TPTE2: variants seen among roughly 807,000 people sequenced by gnomAD.
The protein encoded by TPTE2 is phosphatidylinositol 3,4,5-trisphosphate 3-phosphatase TPTE2.
Under a neutral mutation model 78.6 loss-of-function variants are expected in TPTE2, and 53 were observed. The observed-to-expected ratio is 0.67, with a 90% confidence interval of 0.54 to 0.85. TPTE2 has a LOEUF of 0.85. Ranked by LOEUF, TPTE2 falls within the 40% of genes least tolerant of loss-of-function variation. The pLI is 0.00. For synonymous variants in TPTE2, 175 were observed against 206.2 expected (o/e 0.85, Z 1.30); for missense variants, 461 against 623.0 (o/e 0.74, Z 2.77).
chr13:19,502,462 G>A (rs1396177751), intron 1 of TPTE2, among the ~76,000 whole-genome samples: 1 of 151,064 alleles, frequency 6.6e-6, no homozygotes, highest in Non-Finnish European at 1.5e-5. Flanking sequence ...GGAATACTAT[G>A]CAGCCATAAA....
At chr13:19,531,883 C>T (rs371847595) in intron 1 of TPTE2, among the ~76,000 whole-genome samples, 49 of 152,036 alleles carry the variant, frequency 3.2e-4, no homozygotes, top group African/African-American at 9.7e-4. Context: ...GCCAAGATCG[C>T]GCCACTGCAC....
At chr13:19,556,514 T>G in the TPTE2 span, among the ~76,000 whole-genome samples, 16 of 151,654 alleles carry the variant, frequency 1.1e-4, no homozygotes, top group East Asian at 3.1e-3. Context: ...GGAACTTATC[T>G]ATTATGTACA....
intron 13 of TPTE2, among the ~76,000 whole-genome samples, chr13:19,446,998 T>G (rs542535933): frequency 6.6e-6 from 1 of 152,108 alleles, no homozygotes; most frequent in Non-Finnish European, 1.5e-5. Context: ...ACCATCAAAT[T>G]TAAAGGCAAC....
intron 1 of TPTE2, among the ~76,000 whole-genome samples, chr13:19,528,695 T>C (rs772373034): frequency 1.3e-5 from 2 of 152,194 alleles, no homozygotes; most frequent in Non-Finnish European, 2.9e-5. Flanking sequence ...GGCTGAATCA[T>C]TGATATGACT....
At chr13:19,537,944 A>C (rs895531902), upstream of TPTE2, among the ~76,000 whole-genome samples, 2 of 152,120 alleles carry the variant, frequency 1.3e-5, no homozygotes, top group African/African-American at 2.4e-5. Flanking sequence ...CCTCTGGGCA[A>C]AAGAAGTTCA....
intron 1 of TPTE2, among the ~76,000 whole-genome samples, chr13:19,495,291 G>A (rs1881236949): frequency 6.6e-6 from 1 of 152,170 alleles, no homozygotes; most frequent in Non-Finnish European, 1.5e-5. Flanking sequence ...GCTCTGGAGG[G>A]GGTGAAATAA....
At chr13:19,558,747 G>C in the TPTE2 span, among the ~76,000 whole-genome samples, 1 of 152,170 alleles carries the variant, frequency 6.6e-6, no homozygotes, top group East Asian at 1.9e-4. Flanking sequence ...CTTTAAATCA[G>C]AAAACAAGAA....
intron 1 of TPTE2, among the ~76,000 whole-genome samples, chr13:19,534,690 T>C (rs1020738762): frequency 3.3e-5 from 5 of 152,312 alleles, no homozygotes; most frequent in Admixed American, 6.5e-5. Flanking sequence ...AATTAATGTA[T>C]TTTATAAAGC....
chr13:19,508,676 T>A (rs1044064798), intron 1 of TPTE2, among the ~76,000 whole-genome samples: 6 of 152,176 alleles, frequency 3.9e-5, no homozygotes, highest in African/African-American at 1.4e-4. Context: ...AAGAAGAATG[T>A]TATGGAGGAT....
At chr13:19,425,646 G>A (rs1875982963) in intron 18 of TPTE2, 1 of 488,632 alleles carries the variant, frequency 2.0e-6, no homozygotes, top group Non-Finnish European at 4.1e-6. Context: ...GAGACTCATG[G>A]CTGCTTGCGT....
intron 1 of TPTE2, among the ~76,000 whole-genome samples, chr13:19,531,951 T>C (rs925078790): frequency 6.6e-6 from 1 of 152,114 alleles, no homozygotes; most frequent in African/African-American, 2.4e-5. Flanking sequence ...AAGTAGAGGA[T>C]GGGGCAATAC....
chr13:19,522,692 G>A (rs549038690), intron 1 of TPTE2, among the ~76,000 whole-genome samples: 5 of 145,036 alleles, frequency 3.4e-5, no homozygotes, highest in South Asian at 2.2e-4. Flanking sequence ...GTGTGATCTC[G>A]GCTCACTACA....
chr13:19,517,482 T>C (rs2497189), intron 1 of TPTE2, among the ~76,000 whole-genome samples: 149,625 of 152,164 alleles, frequency 0.98, 73,615 homozygotes, highest in Middle Eastern at 1. Context: ...TAGTGGTCCT[T>C]CCAGCTGGGT....
intron 3 of TPTE2, among the ~76,000 whole-genome samples, chr13:19,487,522 G>A (rs893434539): frequency 7.2e-5 from 11 of 152,056 alleles, no homozygotes; most frequent in Non-Finnish European, 1.6e-4. Flanking sequence ...GCAGTGGTTT[G>A]GCTGTCTTAA....
chr13:19,526,458 C>T (rs1870503543), intron 1 of TPTE2, among the ~76,000 whole-genome samples: 1 of 147,180 alleles, frequency 6.8e-6, no homozygotes, highest in South Asian at 2.1e-4. Flanking sequence ...AGCAAACTAA[C>T]ACAGGAACAG....
At chr13:19,492,235 C>T (rs1881034080) in intron 3 of TPTE2, among the ~76,000 whole-genome samples, 1 of 152,140 alleles carries the variant, frequency 6.6e-6, no homozygotes, top group Admixed American at 6.6e-5. Context: ...TACCCGCGCA[C>T]CTGAGGAAAG....
chr13:19,444,388 TAATA>T (rs1330501070), intron 13 of TPTE2, among the ~76,000 whole-genome samples: 1 of 122,700 alleles, frequency 8.1e-6, no homozygotes, highest in Non-Finnish European at 1.8e-5. Flanking sequence ...ATTGCAAGAT[TAATA>T]AATAAAATGA....
chr13:19,431,552 C>G (rs1412582640), intron 16 of TPTE2, among the ~76,000 whole-genome samples: 1 of 146,268 alleles, frequency 6.8e-6, no homozygotes. Flanking sequence ...TATTAATTAT[C>G]TTTGATTGTT....
chr13:19,480,671 G>A (rs1880288269), intron 4 of TPTE2, among the ~76,000 whole-genome samples: 1 of 152,138 alleles, frequency 6.6e-6, no homozygotes, highest in Non-Finnish European at 1.5e-5. Context: ...AAATGAAGGT[G>A]TGTCAAAGAA....
Sources: gnomAD v4.1 joint callset for allele counts (sites outside exome capture counted in the v4.1 genomes callset) on GRCh38, gnomAD v4.1.1 for gene constraint, MANE v1.5 for transcripts, NCBI Gene and HGNC (gene_info 2026-07-23, HGNC 2026-07-21) for gene names.